KDM4C: variants seen among roughly 807,000 people sequenced by gnomAD.
KDM4C encodes lysine demethylase 4C.
In KDM4C, 81 loss-of-function variants were observed where a neutral mutation model predicts 129.3. That is an observed-to-expected ratio of 0.63 (90% CI 0.52 to 0.75). KDM4C has a LOEUF of 0.75. Among genes scored for constraint, KDM4C ranks in the 30% least tolerant of loss-of-function variants. The pLI is 0.00. For synonymous variants in KDM4C, 573 were observed against 456.1 expected (o/e 1.26, Z -3.26); for missense variants, 1,457 against 1,304.0 (o/e 1.12, Z -1.81).
intron 1 of KDM4C, among the ~76,000 whole-genome samples, chr9:6,742,451 C>T (rs2130265868): frequency 6.6e-6 from 1 of 152,130 alleles, no homozygotes. Context: ...AGAGTTAGTT[C>T]AGAGAGACTC....
intron 8 of KDM4C, among the ~76,000 whole-genome samples, chr9:6,951,063 A>G (rs12685041): frequency 0.26 from 38,977 of 151,956 alleles, 5,539 homozygotes; most frequent in South Asian, 0.43. Context: ...CTTGACAATA[A>G]TTGTACATAT....
chr9:6,987,769 C>A (rs1211573861), intron 11 of KDM4C, among the ~76,000 whole-genome samples: 1 of 151,834 alleles, frequency 6.6e-6, no homozygotes, highest in East Asian at 1.9e-4. Context: ...ATAAACACAT[C>A]AAAAATATGA....
In KDM4C at chr9:6,993,333, C is replaced by CT. The variant is rs1420363878; in HGVS notation, c.1786+2816dup. On this transcript the variant is annotated intron_variant, in intron 12 of 21. Coordinates refer to ENST00000381309, the MANE Select transcript of KDM4C (RefSeq NM_015061.6). The stretch of plus-strand genomic sequence containing the variant: ...CTTAAATGAAAATACTAAACTGCCT[C>CT]TTTTTTTCTTTTAACTGAAATGTTT... Among the ~76,000 whole-genome samples the CT allele has an allele frequency of 2.0e-5, 3 of 152,056 alleles. 1 individual carries two copies. Among genetic ancestry groups the CT allele is most frequent in the Admixed American group, 6.5e-5 (1 of 15,270 alleles).
chr9:7,084,958 T>C (rs904924533), intron 17 of KDM4C, among the ~76,000 whole-genome samples: 3 of 152,240 alleles, frequency 2.0e-5, no homozygotes, highest in Non-Finnish European at 4.4e-5. Context: ...TCAGGGGGCC[T>C]GGCCTAATTT....
At chr9:7,047,035 C>G in intron 16 of KDM4C, 118 bp downstream of exon 16, 2 of 715,960 alleles carry the variant, frequency 2.8e-6, no homozygotes, top group South Asian at 1.8e-5. Flanking sequence ...TTTTGCTGCT[C>G]AGATCTGAGG....
intron 15 of KDM4C, among the ~76,000 whole-genome samples, chr9:7,039,487 C>A (rs757353431): frequency 6.6e-6 from 1 of 151,440 alleles, no homozygotes; most frequent in Non-Finnish European, 1.5e-5. Flanking sequence ...TATTAAAATA[C>A]AGCTGACCCT....
At chr9:7,112,372 T>C (rs769162005) in intron 18 of KDM4C, among the ~76,000 whole-genome samples, 59 of 152,052 alleles carry the variant, frequency 3.9e-4, no homozygotes, top group Middle Eastern at 3.4e-3. Context: ...AGGGATTGAT[T>C]AGAGACAGGA....
At chr9:7,174,148 A>G (rs760384203) in intron 21 of KDM4C, among the ~76,000 whole-genome samples, 3 of 152,170 alleles carry the variant, frequency 2.0e-5, no homozygotes, top group Non-Finnish European at 2.9e-5. Context: ...AGCAACTAGG[A>G]CTTCATTCAG....
At chr9:6,781,730 T>C (rs1347657629) in intron 1 of KDM4C, among the ~76,000 whole-genome samples, 2 of 152,164 alleles carry the variant, frequency 1.3e-5, no homozygotes, top group Non-Finnish European at 2.9e-5. Flanking sequence ...AATGTGTGCA[T>C]TGGGCAATTC....
chr9:6,888,822 C>G (rs1381288386), intron 7 of KDM4C, among the ~76,000 whole-genome samples: 1 of 80,322 alleles, frequency 1.2e-5, no homozygotes, highest in Non-Finnish European at 2.4e-5. Flanking sequence ...GAGTCTCGCT[C>G]TGTCGCCCAG....
chr9:7,093,520 T>C (rs1001570967), intron 17 of KDM4C, among the ~76,000 whole-genome samples: 3 of 152,226 alleles, frequency 2.0e-5, no homozygotes, highest in Non-Finnish European at 4.4e-5. Context: ...ATGTAACTTA[T>C]AATCCAGGCT....
intron 8 of KDM4C, among the ~76,000 whole-genome samples, chr9:6,899,689 ATATTGAGT>A (rs1817070797): frequency 6.6e-6 from 1 of 152,186 alleles, no homozygotes; most frequent in East Asian, 1.9e-4. Context: ...TACTGAAAAA[ATATTGAGT>A]TGTGGGATTC....
At chr9:6,801,818 C>T (rs765504495) in intron 2 of KDM4C, among the ~76,000 whole-genome samples, 64 of 151,964 alleles carry the variant, frequency 4.2e-4, no homozygotes, top group Admixed American at 1.3e-3. Context: ...AAGAGAGTAT[C>T]AGTGAGCTGG....
chr9:6,888,236 A>G (rs1285432104), intron 7 of KDM4C, among the ~76,000 whole-genome samples, 173 bp downstream of exon 7: 1 of 152,192 alleles, frequency 6.6e-6, no homozygotes, highest in Non-Finnish European at 1.5e-5. Flanking sequence ...AATTAATTTT[A>G]TTTCAAATAT....
intron 17 of KDM4C, among the ~76,000 whole-genome samples, chr9:7,071,077 A>C (rs912506303): frequency 6.6e-6 from 1 of 152,224 alleles, no homozygotes; most frequent in Non-Finnish European, 1.5e-5. Flanking sequence ...TAATGCCAAA[A>C]TAATGAAATG....
intron 17 of KDM4C, among the ~76,000 whole-genome samples, chr9:7,097,413 T>C (rs1198245329): frequency 6.6e-6 from 1 of 152,206 alleles, no homozygotes. Flanking sequence ...CAGCTGTGTC[T>C]GGTCTCGGTA....
chr9:6,910,543 G>C (rs917313867), intron 8 of KDM4C, among the ~76,000 whole-genome samples: 1 of 152,158 alleles, frequency 6.6e-6, no homozygotes, highest in Admixed American at 6.5e-5. Context: ...CTCATTAGTA[G>C]TCATAGAAAT....
chr9:7,138,309 T>G (rs1841417020), intron 19 of KDM4C, among the ~76,000 whole-genome samples: 1 of 152,244 alleles, frequency 6.6e-6, no homozygotes, highest in Admixed American at 6.5e-5. Flanking sequence ...TCTAATTTTT[T>G]GCCTTTTATA....
intron 8 of KDM4C, among the ~76,000 whole-genome samples, chr9:6,969,408 T>C (rs550717436): frequency 6.6e-6 from 1 of 152,266 alleles, no homozygotes; most frequent in South Asian, 2.1e-4. Flanking sequence ...ATTAAGAACA[T>C]AGGGTTTTTT....
Sources: allele counts gnomAD v4.1 joint callset (sites outside exome capture counted in the v4.1 genomes callset), GRCh38; gene constraint gnomAD v4.1.1; transcripts MANE v1.5; gene names NCBI Gene and HGNC (gene_info 2026-07-23, HGNC 2026-07-21).